The following ACTN1 variants were observed in gnomAD, a reference collection of about 807,000 sequenced individuals.
The protein encoded by ACTN1 is alpha-actinin-1.
ACTN1 carries 30 observed loss-of-function variants against 119.6 expected under a neutral mutation model. That is an observed-to-expected ratio of 0.25 (90% confidence interval 0.19 to 0.34). ACTN1 has a LOEUF of 0.34. Ranked by LOEUF, ACTN1 falls within the 10% of genes least tolerant of loss-of-function variation. The probability of loss-of-function intolerance (pLI) is 1.00; values close to 1 mark genes in which losing one functional copy is unlikely to be tolerated. For missense variants in ACTN1, 764 were observed against 1,223.4 expected (o/e 0.62, Z 5.60); for synonymous variants, 429 against 472.6 (o/e 0.91, Z 1.20).
intron 1 of ACTN1, among the ~76,000 whole-genome samples, chr14:68,936,432 T>C (rs568186024): frequency 5.1e-4 from 77 of 150,420 alleles, no homozygotes; most frequent in Admixed American, 2.0e-4. Context: ...AGGCAGGGGG[T>C]AGAGAACACT....
chr14:68,912,651 AC>A (rs1223385229), intron 3 of ACTN1, among the ~76,000 whole-genome samples: 1 of 152,162 alleles, frequency 6.6e-6, no homozygotes, highest in Non-Finnish European at 1.5e-5. Flanking sequence ...TGCTGGAATT[AC>A]AGGCATGAGC....
rs1257307020 is a variant in ACTN1, at chr14:68,949,568, G to GT, written c.106-23897dup. Among the ~76,000 whole-genome samples the GT allele has an allele frequency of 2.0e-5, 3 of 152,254 alleles. No individual in the cohort carries two copies. The East Asian group carries it at 5.8e-4, about 29-fold the overall frequency. ...CCAAGGTGCCTGAGAAGCACAACCA[G>GT]TAACAGCATAAAATATAGCAGTACT... On this transcript the variant is annotated intron_variant, in intron 1 of 21. Coordinates refer to ENST00000394419, the MANE Select transcript of ACTN1 (RefSeq NM_001130004.2).
chr14:68,937,075 A>G (rs910245876), intron 1 of ACTN1, among the ~76,000 whole-genome samples: 3 of 151,828 alleles, frequency 2.0e-5, no homozygotes, highest in African/African-American at 4.8e-5. Flanking sequence ...TCCCTTGCCA[A>G]TTCCCTGGTG....
intron 8 of ACTN1, among the ~76,000 whole-genome samples, chr14:68,899,311 C>T (rs2033133162): frequency 6.7e-6 from 1 of 149,944 alleles, no homozygotes; most frequent in Non-Finnish European, 1.5e-5. Flanking sequence ...CACAGCACAC[C>T]ACACCCACAG....
At chr14:68,891,938 T>C (rs1312188342) in intron 10 of ACTN1, 115 bp downstream of exon 10, 1 of 1,302,510 alleles carries the variant, frequency 7.7e-7, no homozygotes, top group Non-Finnish European at 1.0e-6. Flanking sequence ...TGTATGTAGG[T>C]AGAAGCAAAC....
At chr14:68,903,090 A>C (rs531779216) in intron 7 of ACTN1, among the ~76,000 whole-genome samples, 59 of 152,360 alleles carry the variant, frequency 3.9e-4, no homozygotes, top group African/African-American at 1.4e-3. Flanking sequence ...TGCAGTGGTA[A>C]AATGATGTGA....
chr14:68,954,043 A>C (rs1256131313), intron 1 of ACTN1, among the ~76,000 whole-genome samples: 1 of 152,194 alleles, frequency 6.6e-6, no homozygotes, highest in Non-Finnish European at 1.5e-5. Context: ...GTATTTTTAC[A>C]TATTATCTTC....
intron 1 of ACTN1, among the ~76,000 whole-genome samples, chr14:68,948,623 A>G (rs1395110788): frequency 1.3e-5 from 2 of 152,222 alleles, no homozygotes; most frequent in Non-Finnish European, 2.9e-5. Context: ...TTAGAGACGG[A>G]AAAACAGGCT....
Position 68,885,746 on chromosome 14 carries a change from C to G in ACTN1, c.1235-171G>C. ...AAAGCAGATGTGCAACTAGAACATC[C>G]ACCAACCGGCGCAACGGGGAAAAGC... On this transcript the variant is annotated intron_variant, in intron 11 of 21. Coordinates refer to ENST00000394419, the MANE Select transcript of ACTN1 (RefSeq NM_001130004.2). The surrounding 1 kb of genome is among the most constrained non-coding windows in gnomAD (Gnocchi z 5.6). 1 of 720,040 alleles carries G rather than the reference C, an allele frequency of 1.4e-6. No individual in the cohort carries two copies. The highest frequency in any genetic ancestry group is 2.2e-6 in the Non-Finnish European group (1 of 446,768). 44.6% of individuals were successfully genotyped at this position (720,040 alleles called of 1,614,324 possible). A position where few individuals can be genotyped will look rare whatever the true frequency, so the allele number is the denominator to read the frequency against.
chr14:68,975,559 T>G (rs981796232), intron 1 of ACTN1, among the ~76,000 whole-genome samples: 11 of 152,114 alleles, frequency 7.2e-5, no homozygotes, highest in African/African-American at 2.2e-4. Context: ...ACCTCCAGCT[T>G]GACTGGGTAC....
Position 68,874,739 on chromosome 14 carries a change from G to T in ACTN1, c.*120C>A. On this transcript the variant is annotated 3_prime_UTR_variant, in exon 22 of 22. Transcript: ENST00000394419. ...GGGCAGGGAGGATCGATGCCACGTG[G>T]GCCCCAGCTCACCCGGGTGGAGGCT... The T allele has an allele frequency of 9.6e-7, 1 of 1,041,480 alleles. No homozygotes were observed. Among genetic ancestry groups the T allele is most frequent in the Non-Finnish European group, 1.3e-6 (1 of 770,436 alleles). The allele number at this position is 1,041,480 out of a possible 1,614,324, so 64.5% of individuals were successfully genotyped here.
rs1343946177 is a variant in ACTN1, at chr14:68,921,041, C to T, written c.305G>A (p.Ser102Asn). The change falls in exon 3 of 22, where the codon AGC (serine) becomes AAC (asparagine). Residue 102 changes from serine to asparagine, a missense_variant. Ser to Asn is a conservative substitution (Grantham distance 46). Coordinates refer to ENST00000394419, the MANE Select transcript of ACTN1 (RefSeq NM_001130004.2). ...NVNKALDFIA[S>N]KGVKLVSIGA... ...GATGGACACCAGTTTGACGCCTTTG[C>T]TGGCTATGAAATCCAGGGCCTTGTT... 1 of 1,614,210 alleles carries T rather than the reference C, an allele frequency of 6.2e-7. No homozygotes were observed. The highest frequency in any genetic ancestry group is 1.1e-5 in the South Asian group (1 of 91,090).
chr14:68,874,735 C>A lies in ACTN1; in HGVS notation c.*124G>T. The A allele has an allele frequency of 1.0e-6, 1 of 992,990 alleles. No individual in the cohort carries two copies. Among genetic ancestry groups the A allele is most frequent in the Non-Finnish European group, 1.4e-6 (1 of 730,272 alleles). 61.5% of individuals were successfully genotyped at this position (992,990 alleles called of 1,614,324 possible). A position where few individuals can be genotyped will look rare whatever the true frequency, so the allele number is the denominator to read the frequency against. On this transcript the variant is annotated 3_prime_UTR_variant, in exon 22 of 22. Coordinates refer to ENST00000394419, the MANE Select transcript of ACTN1 (RefSeq NM_001130004.2). ...TCGCGGGCAGGGAGGATCGATGCCA[C>A]GTGGGCCCCAGCTCACCCGGGTGGA...
Position 68,979,140 on chromosome 14 carries a change from T to TCGGGC in ACTN1, c.-85_-84insGCCCG. ...CTGCTGCCCTGGCGTGGGGAGGGAG[T>TCGGGC]AGGGCTGGGCTGGGCTGGGCTGGCG... On this transcript the variant is annotated 5_prime_UTR_variant, in exon 1 of 22. Coordinates refer to ENST00000394419, the MANE Select transcript of ACTN1 (RefSeq NM_001130004.2). 1.5e-6 allele frequency: 1 copy of TCGGGC among 679,824 alleles called. No individual in the cohort carries two copies. The highest frequency in any genetic ancestry group is 2.3e-6 in the Non-Finnish European group (1 of 442,036). 42.1% of individuals were successfully genotyped at this position (679,824 alleles called of 1,614,324 possible). A position where few individuals can be genotyped will look rare whatever the true frequency, so the allele number is the denominator to read the frequency against.
chr14:68,919,763 G>A (rs554990911), intron 3 of ACTN1, among the ~76,000 whole-genome samples: 2 of 152,286 alleles, frequency 1.3e-5, no homozygotes, highest in East Asian at 3.9e-4. Context: ...AATGTTTCTG[G>A]CTCTATGATC....
At chr14:68,907,359 T>C (rs2033728349) in intron 6 of ACTN1, among the ~76,000 whole-genome samples, 1 of 149,518 alleles carries the variant, frequency 6.7e-6, no homozygotes. Context: ...AGGTCAGCAG[T>C]TCAAGACCAG....
chr14:68,936,596 A>G, intron 1 of ACTN1: 1 of 568,298 alleles, frequency 1.8e-6, no homozygotes. Context: ...ATTAGGCCTA[A>G]TCAAGATGAC....
intron 8 of ACTN1, among the ~76,000 whole-genome samples, chr14:68,901,463 G>T (rs1297838685): frequency 6.6e-6 from 1 of 152,100 alleles, no homozygotes; most frequent in African/African-American, 2.4e-5. Flanking sequence ...GGCCAGGCTG[G>T]TCTCGAACTC....
intron 1 of ACTN1, among the ~76,000 whole-genome samples, chr14:68,927,411 G>A (rs2034986636): frequency 6.6e-6 from 1 of 152,130 alleles, no homozygotes; most frequent in Non-Finnish European, 1.5e-5. Flanking sequence ...AGAGACCCAG[G>A]GCACAGAGTC....
Sources: gnomAD v4.1 joint callset for allele counts (sites outside exome capture counted in the v4.1 genomes callset) on GRCh38, gnomAD v4.1.1 for gene constraint, Gnocchi (gnomAD v3.1) non-coding constraint, MANE v1.5 for transcripts, NCBI Gene and HGNC (gene_info 2026-07-23, HGNC 2026-07-21) for gene names.